The following IGFL2 variants were observed in gnomAD, a reference collection of about 807,000 sequenced individuals.
IGFL2 encodes the protein insulin growth factor-like family member 2.
Under a neutral mutation model 13.9 loss-of-function variants are expected in IGFL2, and 7 were observed. The observed-to-expected ratio is 0.51, with a 90% CI of 0.29 to 0.95. The LOEUF is 0.95. Ranked by LOEUF, IGFL2 falls within the 40% of genes least tolerant of loss-of-function variation. The pLI is 0.08. For synonymous variants in IGFL2, 55 were observed against 55.8 expected (o/e 0.99, Z 0.07); for missense variants, 138 against 147.8 (o/e 0.93, Z 0.34).
chr19:46,182,302 G>C, the IGFL2 span, among the ~76,000 whole-genome samples: 1 of 150,252 alleles, frequency 6.7e-6, no homozygotes, highest in Non-Finnish European at 1.5e-5. Context: ...GGAAGGCAGA[G>C]GTTGTGGTGA....
At chr19:46,096,684 A>G in the IGFL2 span, among the ~76,000 whole-genome samples, 1 of 152,146 alleles carries the variant, frequency 6.6e-6, no homozygotes, top group African/African-American at 2.4e-5. Context: ...ATTTTGAGCT[A>G]TGTTTTATCA....
chr19:46,100,344 A>G, the IGFL2 span, among the ~76,000 whole-genome samples: 1 of 152,222 alleles, frequency 6.6e-6, no homozygotes, highest in African/African-American at 2.4e-5. Context: ...TATTTGCCAA[A>G]GTTAAGGATG....
chr19:46,200,509 C>CTTTTCTTTTCTCTTT, the IGFL2 span, among the ~76,000 whole-genome samples: 3 of 37,182 alleles, frequency 8.1e-5, no homozygotes, highest in Admixed American at 2.1e-4. Flanking sequence ...CTTTTCTTTT[C>CTTTTCTTTTCTCTTT]TCTTTTCTTT....
At chr19:46,172,729 T>TATA in the IGFL2 span, among the ~76,000 whole-genome samples, 1 of 151,542 alleles carries the variant, frequency 6.6e-6, no homozygotes, top group Non-Finnish European at 1.5e-5. Context: ...ATATATATAT[T>TATA]TTTTTTCAGA....
At chr19:46,207,587 G>T in the IGFL2 span, 1 of 152,126 alleles carries the variant, frequency 6.6e-6, no homozygotes, top group Non-Finnish European at 1.5e-5. Context: ...TCGTCATGTT[G>T]GCCAGGCTGT....
At chr19:46,123,591 G>GT in the IGFL2 span, among the ~76,000 whole-genome samples, 740 of 150,912 alleles carry the variant, frequency 4.9e-3, 44 homozygotes, top group African/African-American at 0.017. Flanking sequence ...TATTTAGCAT[G>GT]TTTTTTTACA....
chr19:46,186,553 C>T, the IGFL2 span, among the ~76,000 whole-genome samples: 2 of 152,174 alleles, frequency 1.3e-5, no homozygotes, highest in Non-Finnish European at 2.9e-5. Flanking sequence ...ATTCACTGTC[C>T]ACAAGTTTAT....
the IGFL2 span, among the ~76,000 whole-genome samples, chr19:46,181,858 C>T: frequency 6.6e-6 from 1 of 152,152 alleles, no homozygotes; most frequent in Non-Finnish European, 1.5e-5. Context: ...GCAAGGTGAA[C>T]TTGTAGGATT....
At chr19:46,122,656 T>C in the IGFL2 span, among the ~76,000 whole-genome samples, 1 of 151,110 alleles carries the variant, frequency 6.6e-6, no homozygotes, top group East Asian at 2.0e-4. Flanking sequence ...TTACTTTCTG[T>C]AAGTTACATT....
At chr19:46,182,831 C>T in the IGFL2 span, among the ~76,000 whole-genome samples, 1 of 152,128 alleles carries the variant, frequency 6.6e-6, no homozygotes, top group East Asian at 1.9e-4. Flanking sequence ...CACTCCTGCC[C>T]TCTGTCTTGT....
the IGFL2 span, chr19:46,202,785 T>C: frequency 6.6e-6 from 1 of 151,150 alleles, no homozygotes; most frequent in African/African-American, 2.4e-5. Flanking sequence ...GATTAAAGAG[T>C]GGAGGGATAT....
chr19:46,191,449 G>C, the IGFL2 span, among the ~76,000 whole-genome samples: 6 of 152,326 alleles, frequency 3.9e-5, no homozygotes, highest in African/African-American at 1.4e-4. Context: ...GGATGAGGAT[G>C]AAGGAAGGTG....
At chr19:46,120,117 G>C in the IGFL2 span, 1 of 613,758 alleles carries the variant, frequency 1.6e-6, no homozygotes. Context: ...GTGGCTCTCA[G>C]CGGGAAGGGG....
chr19:46,184,475 G>A, the IGFL2 span, among the ~76,000 whole-genome samples: 1 of 151,934 alleles, frequency 6.6e-6, no homozygotes, highest in Non-Finnish European at 1.5e-5. Flanking sequence ...GTGTTCATGT[G>A]TTGTCATTGT....
downstream of IGFL2, among the ~76,000 whole-genome samples, chr19:46,163,021 T>G (rs898738250): frequency 6.6e-6 from 1 of 152,218 alleles, no homozygotes; most frequent in African/African-American, 2.4e-5. Flanking sequence ...GGGTCTTTAT[T>G]TGAAACTGAC....
the IGFL2 span, among the ~76,000 whole-genome samples, chr19:46,172,727 A>AT: frequency 6.6e-6 from 1 of 151,806 alleles, no homozygotes. Flanking sequence ...ATATATATAT[A>AT]TTTTTTTTCA....
At chr19:46,113,181 TTCTACAGAGGCAAAAAGCGTTCCGTCCTC>T in the IGFL2 span, 628 of 171,600 alleles carry the variant, frequency 3.7e-3, 2 homozygotes, top group African/African-American at 0.015. Flanking sequence ...CATAGAATGA[TTCTACAGAGGCAAAAAGCGTTCCGTCCTC>T]TCTTAGAGGG....
chr19:46,174,980 AGCTT>A, the IGFL2 span, among the ~76,000 whole-genome samples: 3 of 152,222 alleles, frequency 2.0e-5, no homozygotes, highest in Non-Finnish European at 4.4e-5. Flanking sequence ...AAATCTTTAA[AGCTT>A]GCTTGTCAAG....
the IGFL2 span, among the ~76,000 whole-genome samples, chr19:46,123,342 C>T: frequency 6.6e-6 from 1 of 150,720 alleles, no homozygotes; most frequent in Non-Finnish European, 1.5e-5. Context: ...CTTAAACTGA[C>T]ATTAACTAAT....
Sources: allele counts gnomAD v4.1 joint callset (sites outside exome capture counted in the v4.1 genomes callset), GRCh38; gene constraint gnomAD v4.1.1; transcripts MANE v1.5; gene names NCBI Gene and HGNC (gene_info 2026-07-23, HGNC 2026-07-21).